The following KIF13B variants were observed in gnomAD, a reference collection of about 807,000 sequenced individuals.
KIF13B encodes kinesin family member 13B.
In KIF13B, 127 loss-of-function variants were observed where a neutral mutation model predicts 222.0. The ratio of observed to expected loss-of-function variants is 0.57; its 90% confidence interval spans 0.50 to 0.66. The LOEUF is 0.66. Among genes scored for constraint, KIF13B ranks in the 30% least tolerant of loss-of-function variants. KIF13B has a pLI of 0.00. For missense variants in KIF13B, 2,173 were observed against 2,379.0 expected (o/e 0.91, Z 1.80); for synonymous variants, 976 against 919.0 (o/e 1.06, Z -1.12).
In KIF13B at chr8:29,088,856, T is replaced by C. The variant is rs1170461500; in HGVS notation, c.4458+3889A>G. On this transcript the variant is annotated intron_variant, in intron 37 of 39. Coordinates refer to ENST00000524189, the MANE Select transcript of KIF13B (RefSeq NM_015254.4). ...AAGTGTGACCCAAGTAAGAAAAAGT[T>C]TTCTTGACATTATCATCTATAATTC... 7.2e-5 allele frequency among the ~76,000 whole-genome samples: 11 copies of C among 152,350 alleles called. No individual in the cohort carries two copies. The East Asian group carries it at 2.1e-3, about 29-fold the overall frequency.
chr8:29,146,431 C>A lies in KIF13B; in HGVS notation c.2134G>T (p.Glu712Ter). 1 of 1,613,876 alleles carries A rather than the reference C, an allele frequency of 6.2e-7. No individual in the cohort carries two copies. Among genetic ancestry groups the A allele is most frequent in the Non-Finnish European group, 8.5e-7 (1 of 1,179,836 alleles). The change falls in exon 18 of 40, where the codon GAA becomes TAA. Residue 712 changes from glutamate to a stop codon, truncating the protein, a stop_gained. Transcript: ENST00000524189. LOFTEE classifies it high-confidence loss of function. ...YIAEELDKRT[E>*]YKVTLQIPAS... The stretch of plus-strand genomic sequence containing the variant: ...GGAATCTGTAGGGTAACTTTGTATT[C>A]TGTTCTTTTATCCAGCTCCTCAGCA...
At chr8:29,210,051 G>A (rs1814146487) in intron 2 of KIF13B, among the ~76,000 whole-genome samples, 1 of 148,790 alleles carries the variant, frequency 6.7e-6, no homozygotes, top group Admixed American at 6.7e-5. Flanking sequence ...GCCAGACCCT[G>A]TCTCAGAGAG....
At chr8:29,178,086 C>A (rs1400452592) in intron 8 of KIF13B, among the ~76,000 whole-genome samples, 1 of 152,100 alleles carries the variant, frequency 6.6e-6, no homozygotes, top group Non-Finnish European at 1.5e-5. Context: ...ACTAATCCAG[C>A]CAGGATGAAA....
chr8:29,173,793 A>T (rs916126424), intron 10 of KIF13B, among the ~76,000 whole-genome samples: 4 of 151,898 alleles, frequency 2.6e-5, no homozygotes, highest in Admixed American at 1.3e-4. Context: ...AAAATACAAA[A>T]ATTAGCCAGG....
intron 36 of KIF13B, among the ~76,000 whole-genome samples, chr8:29,094,122 TA>T (rs1808415918): frequency 6.6e-6 from 1 of 152,130 alleles, no homozygotes; most frequent in African/African-American, 2.4e-5. Flanking sequence ...CATCAGACAT[TA>T]TGTGTCTCCA....
rs1249247433 is a variant in KIF13B, at chr8:29,140,561, G to C, written c.2391C>G (p.His797Gln). ...AGACATTGGCCACCCCAATGAGACT[G>C]TGATTTTCCTGCTCATCATAGAATG... Reference protein sequence around the residue: ...ADPFYDEQENHSLIGVANVFL... With the variant: ...ADPFYDEQENQSLIGVANVFL... The change falls in exon 20 of 40, where the codon CAC becomes CAG. Residue 797 changes from histidine (H) to glutamine (Q), a missense_variant. Coordinates refer to ENST00000524189, the MANE Select transcript of KIF13B (RefSeq NM_015254.4). 3 of 1,613,634 alleles carry C rather than the reference G, an allele frequency of 1.9e-6. No individual in the cohort carries two copies. In the African/African-American group the frequency reaches 4.0e-5, roughly 22 times the overall value.
intron 29 of KIF13B, among the ~76,000 whole-genome samples, chr8:29,122,185 T>C (rs1274242302): frequency 2.7e-5 from 4 of 149,422 alleles, no homozygotes; most frequent in East Asian, 4.0e-4. Context: ...ACCGGGGAGG[T>C]GGAGGTTGCA....
chr8:29,156,519 A>C (rs1281016385), intron 13 of KIF13B, among the ~76,000 whole-genome samples: 3 of 149,786 alleles, frequency 2.0e-5, no homozygotes, highest in Admixed American at 1.3e-4. Context: ...TTTTTTATTT[A>C]TTTATTTATT....
At chr8:29,126,532 CA>C in intron 25 of KIF13B, 21 bp from the exon 26 acceptor site, 1 of 1,371,766 alleles carries the variant, frequency 7.3e-7, no homozygotes, top group Non-Finnish European at 1.0e-6. Flanking sequence ...ATATACATTA[CA>C]AAGAACTGAA....
At chr8:29,243,880 C>A (rs1213947104) in intron 2 of KIF13B, among the ~76,000 whole-genome samples, 1 of 152,136 alleles carries the variant, frequency 6.6e-6, no homozygotes, top group African/African-American at 2.4e-5. Flanking sequence ...TTTTAAAAGT[C>A]ACTAATTTAT....
Position 29,081,511 on chromosome 8 carries a change from G to A in KIF13B, c.4459-6168C>T, listed in dbSNP as rs191931934. On this transcript the variant is annotated intron_variant, in intron 37 of 39. Coordinates refer to ENST00000524189, the MANE Select transcript of KIF13B (RefSeq NM_015254.4). ...TTCTAAATGCAGATCAAGTATTTCC[G>A]ACGGAACTTTAGTGTCTGAATTGCA... 2.6e-5 allele frequency among the ~76,000 whole-genome samples: 4 copies of A among 152,210 alleles called. No individual in the cohort carries two copies. The East Asian group carries it at 5.8e-4, about 22-fold the overall frequency.
Position 29,186,696 on chromosome 8 carries a change from G to A in KIF13B, c.317-224C>T, listed in dbSNP as rs371383190. Among the ~76,000 whole-genome samples the A allele has an allele frequency of 4.8e-3, 735 of 152,168 alleles. 5 individuals carry two copies. The highest frequency in any genetic ancestry group is 8.3e-3 in the Non-Finnish European group (567 of 68,002). ...AAATAGGCTGGGTGCGGTGGCTCAC[G>A]CCTGTAATTCCCAGCACTTTGGGAG... On this transcript the variant is annotated intron_variant, in intron 5 of 39. Transcript: ENST00000524189.
chr8:29,088,213 C>G (rs1288748156), intron 37 of KIF13B, among the ~76,000 whole-genome samples: 1 of 151,980 alleles, frequency 6.6e-6, no homozygotes, highest in Non-Finnish European at 1.5e-5. Flanking sequence ...TTGCAGTGAG[C>G]TGAGATCGCA....
Position 29,132,325 on chromosome 8 carries a change from T to C in KIF13B, c.2925A>G (p.Thr975=). The part of the protein sequence containing the change: ...LWDLGIIQAK[T]RSLRDRWSEV... The stretch of plus-strand genomic sequence containing the variant: ...ATATTCACCTGTCCCGAAGACTACG[T>C]GTCTTTGCTTGGATGATTCCCAAAT... Residue 975 remains threonine, a synonymous_variant, in exon 23 of 40, where the codon ACA becomes ACG. Coordinates refer to ENST00000524189, the MANE Select transcript of KIF13B (RefSeq NM_015254.4). 6.4e-7 allele frequency: 1 copy of C among 1,559,848 alleles called. No individual in the cohort carries two copies. The highest frequency in any genetic ancestry group is 2.4e-5 in the East Asian group (1 of 42,340).
At chr8:29,130,345 T>C (rs1287639143) in intron 24 of KIF13B, among the ~76,000 whole-genome samples, 188 bp downstream of exon 24, 1 of 152,122 alleles carries the variant, frequency 6.6e-6, no homozygotes, top group Non-Finnish European at 1.5e-5. Context: ...GATCCCTGTG[T>C]CTCTACTTCA....
intron 14 of KIF13B, among the ~76,000 whole-genome samples, chr8:29,151,128 A>T (rs1811279625): frequency 6.6e-6 from 1 of 152,208 alleles, no homozygotes; most frequent in African/African-American, 2.4e-5. Context: ...GCTGATATGG[A>T]GAAAGTTCAG....
intron 35 of KIF13B, 53 bp downstream of exon 35, chr8:29,108,086 G>C (rs1809176728): frequency 3.4e-6 from 5 of 1,462,052 alleles, no homozygotes; most frequent in Non-Finnish European, 4.7e-6. Flanking sequence ...GAAGATGAAA[G>C]CTGAATGGGA....
intron 37 of KIF13B, among the ~76,000 whole-genome samples, chr8:29,086,272 T>C (rs1352458195): frequency 6.6e-6 from 1 of 152,210 alleles, no homozygotes; most frequent in African/African-American, 2.4e-5. Flanking sequence ...TTATTACAAC[T>C]GTTCAGAGAA....
In KIF13B at chr8:29,233,605, C is replaced by T. The variant is rs1471020207; in HGVS notation, c.149+11741G>A. 2.6e-5 allele frequency among the ~76,000 whole-genome samples: 4 copies of T among 152,360 alleles called. No individual in the cohort carries two copies. In the East Asian group the frequency reaches 5.8e-4, roughly 22 times the overall value. On this transcript the variant is annotated intron_variant, in intron 2 of 39. Transcript: ENST00000524189. ...TTTTTGGTATCAAAACCCCTTTACACTCTTAAATATTAGTGAGGGCAATAA... is the reference window on the plus strand; with the variant it reads ...TTTTTGGTATCAAAACCCCTTTACATTCTTAAATATTAGTGAGGGCAATAA...
Sources: allele counts gnomAD v4.1 joint callset (sites outside exome capture counted in the v4.1 genomes callset), GRCh38; gene constraint gnomAD v4.1.1; transcripts MANE v1.5; gene names NCBI Gene and HGNC (gene_info 2026-07-23, HGNC 2026-07-21).